Variants in AP3M1 observed in about 807,000 individuals in gnomAD.
AP3M1 encodes adaptor related protein complex 3 subunit mu 1.
In AP3M1, 29 loss-of-function variants were observed where a neutral mutation model predicts 42.6. That is an observed-to-expected ratio of 0.68 (90% CI 0.51 to 0.93). The LOEUF (loss-of-function observed/expected upper bound fraction) is 0.93. Ranked by LOEUF, AP3M1 falls within the 40% of genes least tolerant of loss-of-function variation. The pLI is 0.00. For synonymous variants in AP3M1, 178 were observed against 175.3 expected (o/e 1.02, Z -0.12); for missense variants, 416 against 510.2 (o/e 0.82, Z 1.78).
intron 1 of AP3M1, among the ~76,000 whole-genome samples, chr10:74,147,819 C>A (rs766251229): frequency 6.6e-6 from 1 of 151,608 alleles, no homozygotes; most frequent in African/African-American, 2.4e-5. Flanking sequence ...GCCAACATGG[C>A]GAAACCCTGT....
rs1840730747 is a variant in AP3M1, at chr10:74,129,958, A to T, written c.618T>A (p.Ile206=). 2.5e-6 allele frequency: 4 copies of T among 1,613,148 alleles called. No homozygotes were observed. The highest frequency in any genetic ancestry group is 3.4e-6 in the Non-Finnish European group (4 of 1,179,784). The change falls in exon 5 of 9, where the codon ATT becomes ATA. Residue 206 remains isoleucine (I), a synonymous_variant. Coordinates refer to ENST00000355264, the MANE Select transcript of AP3M1 (RefSeq NM_012095.6). ...TTCCAGATAGTTTAATGCAAGCATC[A>T]ATGACCCCCTGAATTTCTGCAAAGA... ...STVFAEIQGV[I]DACIKLSGMP...
At chr10:74,133,973 A>T (rs914507104) in intron 4 of AP3M1, 54 bp downstream of exon 4, 102 of 1,600,940 alleles carry the variant, frequency 6.4e-5, no homozygotes, top group Non-Finnish European at 8.4e-5. Flanking sequence ...TTTTCTATTC[A>T]TCTGTGTCAG....
intron 4 of AP3M1, 94 bp downstream of exon 4, chr10:74,133,933 G>A (rs778867278): frequency 2.0e-5 from 30 of 1,501,126 alleles, no homozygotes; most frequent in Admixed American, 7.1e-5. Context: ...GATTACAGGC[G>A]TGAGCCACCG....
rs56728540 is a variant in AP3M1 at position 74,147,221 on chromosome 10, G to A, written c.-4+3534C>T. 7.9e-3 allele frequency among the ~76,000 whole-genome samples: 1,206 copies of A among 152,260 alleles called. 19 individuals are homozygous for A. The highest frequency in any genetic ancestry group is 0.027 in the African/African-American group (1,130 of 41,542). ...AATCGCTTGAACCCGGGAGGTGGAG[G>A]CTGCAGTGAGCCGAGATGGCGCCAC... On this transcript the variant is annotated intron_variant, in intron 1 of 8. Transcript: ENST00000355264.
intron 7 of AP3M1, among the ~76,000 whole-genome samples, chr10:74,125,448 G>C (rs1304597144): frequency 6.6e-6 from 1 of 152,266 alleles, no homozygotes; most frequent in African/African-American, 2.4e-5. Flanking sequence ...CCAGGAATCT[G>C]AAGCTCCCTT....
At chr10:74,149,586 C>T (rs1841475650) in intron 1 of AP3M1, among the ~76,000 whole-genome samples, 1 of 152,118 alleles carries the variant, frequency 6.6e-6, no homozygotes, top group Admixed American at 6.6e-5. Context: ...CCGCGCCTGG[C>T]CAAGATTCGT....
intron 1 of AP3M1, among the ~76,000 whole-genome samples, chr10:74,149,267 GTTTTTTT>G (rs57279906): frequency 6.7e-5 from 4 of 60,094 alleles, no homozygotes; most frequent in Non-Finnish European, 1.3e-4. Context: ...GATACGTAAG[GTTTTTTT>G]TTTTTTTTTT....
chr10:74,145,238 C>T (rs781136497), intron 1 of AP3M1, among the ~76,000 whole-genome samples: 11 of 152,184 alleles, frequency 7.2e-5, no homozygotes, highest in Admixed American at 1.3e-4. Context: ...CAGATCTCTA[C>T]TCATCCTCTT....
At chr10:74,143,256 T>G (rs995462748) in intron 1 of AP3M1, among the ~76,000 whole-genome samples, 2 of 152,162 alleles carry the variant, frequency 1.3e-5, no homozygotes, top group Non-Finnish European at 2.9e-5. Flanking sequence ...GAACAAAGCT[T>G]GTTTGTTTGT....
intron 1 of AP3M1, among the ~76,000 whole-genome samples, chr10:74,149,320 C>T (rs868164511): frequency 1.4e-4 from 15 of 105,080 alleles, no homozygotes; most frequent in African/African-American, 5.0e-4. Flanking sequence ...GGCAGAGTCT[C>T]GCTCTGTCGC....
chr10:74,124,513 C>CA lies in AP3M1; in HGVS notation c.1022_1023insT (p.Trp341CysfsTer15). 6.2e-7 allele frequency: 1 copy of CA among 1,605,242 alleles called. No individual in the cohort carries two copies. The highest frequency in any genetic ancestry group is 1.3e-5 in the African/African-American group (1 of 74,352). ...TTTGTGGAGTAATTTTTCCCACATCCCATGTTAGTACCTTAAAAAGACAAA... is the reference window on the plus strand; with the variant it reads ...TTTGTGGAGTAATTTTTCCCACATCCACATGTTAGTACCTTAAAAAGACAAA... On this transcript the variant is annotated frameshift_variant, in exon 8 of 9. Coordinates refer to ENST00000355264, the MANE Select transcript of AP3M1 (RefSeq NM_012095.6). LOFTEE classifies it high-confidence loss of function.
chr10:74,150,584 T>C (rs2132014674), intron 1 of AP3M1, 171 bp downstream of exon 1: 1 of 153,278 alleles, frequency 6.5e-6, no homozygotes, highest in African/African-American at 2.4e-5. Context: ...CTTCTGGCCT[T>C]GCTGGCGAGA....
At chr10:74,126,100 A>C (rs770228601) in intron 7 of AP3M1, 48 bp downstream of exon 7, 1 of 1,594,730 alleles carries the variant, frequency 6.3e-7, no homozygotes, top group South Asian at 1.1e-5. Flanking sequence ...CAAATCACAA[A>C]ATAGATTGCA....
chr10:74,147,022 C>T (rs1286244860), intron 1 of AP3M1, among the ~76,000 whole-genome samples: 1 of 152,170 alleles, frequency 6.6e-6, no homozygotes, highest in Non-Finnish European at 1.5e-5. Flanking sequence ...GGTGCTCACA[C>T]CTATAATCCC....
chr10:74,131,229 G>A (rs770335266), intron 4 of AP3M1, among the ~76,000 whole-genome samples: 14 of 151,688 alleles, frequency 9.2e-5, no homozygotes, highest in Non-Finnish European at 1.9e-4. Context: ...GTGCAGTGGC[G>A]CTATCTGGGC....
chr10:74,138,973 A>T (rs1402382008), intron 1 of AP3M1: 2 of 150,672 alleles, frequency 1.3e-5, no homozygotes, highest in East Asian at 3.9e-4. Context: ...CCTTAACCTG[A>T]TGAAAACCCC....
At chr10:74,134,685 C>A (rs1416856824) in intron 3 of AP3M1, among the ~76,000 whole-genome samples, 2 of 152,198 alleles carry the variant, frequency 1.3e-5, no homozygotes, top group Non-Finnish European at 2.9e-5. Flanking sequence ...GTATCCAGCT[C>A]ATTTCCTGGT....
At position 74,138,219 on chromosome 10, in the gene AP3M1, T is replaced by C. The variant is rs1217900038; in HGVS notation, c.161A>G (p.His54Arg). The C allele has an allele frequency of 1.9e-6, 3 of 1,614,146 alleles. No homozygotes were observed. Among genetic ancestry groups the C allele is most frequent in the Non-Finnish European group, 2.5e-6 (3 of 1,180,000 alleles). ...ATCCCGGTAGATACTGATGAGGTAG[T>C]GGTGAGGTGTTGAAATGACAGGTGG... ...NVPPVISTPH[H>R]YLISIYRDKL... is the part of the protein sequence containing the mutation. The change falls in exon 2 of 9, where the codon CAC becomes CGC. Residue 54 changes from histidine to arginine, a missense_variant. Physicochemically the swap from His to Arg is conservative, Grantham distance 29. Coordinates refer to ENST00000355264, the MANE Select transcript of AP3M1 (RefSeq NM_012095.6).
chr10:74,130,874 G>A (rs1840759921), intron 4 of AP3M1, among the ~76,000 whole-genome samples: 1 of 152,114 alleles, frequency 6.6e-6, no homozygotes, highest in Non-Finnish European at 1.5e-5. Flanking sequence ...ACTTAGGGAG[G>A]CTGACGTGGG....
Sources: gnomAD v4.1 joint callset for allele counts (sites outside exome capture counted in the v4.1 genomes callset) on GRCh38, gnomAD v4.1.1 for gene constraint, MANE v1.5 for transcripts, NCBI Gene and HGNC (gene_info 2026-07-23, HGNC 2026-07-21) for gene names.